Variants in RIT2 observed in about 807,000 individuals in gnomAD.
RIT2 encodes the protein Ras like without CAAX 2.
Under a neutral mutation model 23.7 loss-of-function variants are expected in RIT2, and 24 were observed. The ratio of observed to expected loss-of-function variants is 1.01; its 90% CI spans 0.73 to 1.43. RIT2 has a LOEUF of 1.43. Ranked by LOEUF, RIT2 falls within the 40% of genes most tolerant of loss-of-function variation. The probability of loss-of-function intolerance (pLI) is 0.00; values close to 1 mark genes in which losing one functional copy is unlikely to be tolerated. For missense variants in RIT2, 236 were observed against 266.9 expected (o/e 0.88, Z 0.81); for synonymous variants, 107 against 91.1 (o/e 1.17, Z -0.99).
At chr18:43,104,050 A>C (rs1405356391) in intron 1 of RIT2, among the ~76,000 whole-genome samples, 1 of 152,234 alleles carries the variant, frequency 6.6e-6, no homozygotes, top group African/African-American at 2.4e-5. Flanking sequence ...CCATCAACAG[A>C]TAAATGGATA....
chr18:42,969,744 T>C (rs2144198398), intron 3 of RIT2, among the ~76,000 whole-genome samples: 1 of 152,170 alleles, frequency 6.6e-6, no homozygotes, highest in African/African-American at 2.4e-5. Flanking sequence ...GATTATTCAA[T>C]ACATTTATAA....
chr18:42,804,561 T>TAAAAA (rs564202513), intron 4 of RIT2, among the ~76,000 whole-genome samples: 2 of 52,848 alleles, frequency 3.8e-5, no homozygotes, highest in Non-Finnish European at 7.6e-5. Context: ...GCCTCAAAAC[T>TAAAAA]AAAAAAAAAA....
At chr18:43,111,474 A>T (rs559552973) in intron 1 of RIT2, among the ~76,000 whole-genome samples, 7 of 152,304 alleles carry the variant, frequency 4.6e-5, no homozygotes, top group Admixed American at 4.6e-4. Context: ...CAAATAAATG[A>T]TGAATGTTTG....
chr18:42,950,884 C>T (rs368756669), intron 3 of RIT2, among the ~76,000 whole-genome samples: 16 of 146,746 alleles, frequency 1.1e-4, no homozygotes, highest in African/African-American at 3.6e-4. Flanking sequence ...GTCAGAATGG[C>T]TATTATTAAA....
chr18:43,072,293 A>G (rs1912917160), intron 1 of RIT2, among the ~76,000 whole-genome samples: 1 of 151,992 alleles, frequency 6.6e-6, no homozygotes, highest in African/African-American at 2.4e-5. Context: ...GCCCTAATTC[A>G]TGGTATTTTT....
chr18:43,047,165 C>T (rs951975783), intron 1 of RIT2, among the ~76,000 whole-genome samples: 3 of 151,634 alleles, frequency 2.0e-5, no homozygotes, highest in Non-Finnish European at 4.4e-5. Context: ...ATTTTTCTAC[C>T]GTTTCTCCTT....
intron 1 of RIT2, among the ~76,000 whole-genome samples, chr18:43,087,186 G>C (rs1913304345): frequency 6.6e-6 from 1 of 151,956 alleles, no homozygotes; most frequent in Admixed American, 6.6e-5. Context: ...AGGTTGCAGT[G>C]AGCTGAGATC....
At chr18:43,107,843 C>T (rs929333792) in intron 1 of RIT2, among the ~76,000 whole-genome samples, 2 of 151,886 alleles carry the variant, frequency 1.3e-5, no homozygotes, top group East Asian at 1.9e-4. Flanking sequence ...TTCATATAGA[C>T]GATTTTGTGT....
At chr18:42,872,668 G>C (rs950032850) in intron 4 of RIT2, among the ~76,000 whole-genome samples, 1 of 152,090 alleles carries the variant, frequency 6.6e-6, no homozygotes, top group South Asian at 2.1e-4. Flanking sequence ...CATAGTAGCT[G>C]CTTGAATATA....
chr18:42,847,067 C>T (rs1321424023), intron 4 of RIT2, among the ~76,000 whole-genome samples: 2 of 152,100 alleles, frequency 1.3e-5, no homozygotes, highest in Admixed American at 6.6e-5. Context: ...CAACAAATTA[C>T]TATCATTTGC....
rs527744147 is a variant in RIT2 at position 42,949,234 on chromosome 18, T to C, written c.234+24840A>G. 5.9e-5 allele frequency among the ~76,000 whole-genome samples: 9 copies of C among 152,116 alleles called. No homozygotes were observed. In the South Asian group the frequency reaches 1.7e-3, roughly 28 times the overall value. Reference sequence around the variant, plus strand: ...CCAGTGAAATGCCAATAATTCCCTATTGATGTGAGGATGACGGGGAACTCT... The same window carrying C: ...CCAGTGAAATGCCAATAATTCCCTACTGATGTGAGGATGACGGGGAACTCT... On this transcript the variant is annotated intron_variant, in intron 3 of 4. Transcript: ENST00000326695.
intron 2 of RIT2, among the ~76,000 whole-genome samples, chr18:42,981,396 T>C (rs1294186464): frequency 2.0e-5 from 3 of 152,158 alleles, no homozygotes; most frequent in Non-Finnish European, 4.4e-5. Flanking sequence ...TGACTCTTCA[T>C]CCTCATCTGA....
At chr18:42,978,194 C>T (rs1211034666) in intron 2 of RIT2, among the ~76,000 whole-genome samples, 9 of 151,826 alleles carry the variant, frequency 5.9e-5, no homozygotes, top group African/African-American at 2.2e-4. Context: ...TAGATAAGCC[C>T]AGCACATGAA....
chr18:42,746,107 G>C (rs1912911069), intron 4 of RIT2, among the ~76,000 whole-genome samples: 1 of 152,036 alleles, frequency 6.6e-6, no homozygotes, highest in Non-Finnish European at 1.5e-5. Flanking sequence ...CAGGCTAAGA[G>C]AGCCCTTCTT....
chr18:43,088,497 A>C (rs546903596), intron 1 of RIT2, among the ~76,000 whole-genome samples: 2 of 152,332 alleles, frequency 1.3e-5, no homozygotes, highest in South Asian at 4.1e-4. Context: ...CAGTAAAAAA[A>C]CTGGTGTAAT....
At chr18:43,046,137 T>C (rs760549241) in intron 1 of RIT2, among the ~76,000 whole-genome samples, 7 of 152,022 alleles carry the variant, frequency 4.6e-5, no homozygotes, top group Non-Finnish European at 8.8e-5. Context: ...AAAGATAAAA[T>C]GTAACAGAAT....
chr18:42,836,915 A>T, intron 4 of RIT2, among the ~76,000 whole-genome samples: 1 of 151,890 alleles, frequency 6.6e-6, no homozygotes, highest in East Asian at 1.9e-4. Flanking sequence ...GATGGGAAGG[A>T]CTCTAGTTGT....
At chr18:43,056,549 T>TA (rs1167234768) in intron 1 of RIT2, among the ~76,000 whole-genome samples, 3 of 152,178 alleles carry the variant, frequency 2.0e-5, no homozygotes, top group African/African-American at 7.2e-5. Flanking sequence ...AAATGACCAA[T>TA]AGGGGACAGT....
chr18:43,010,809 G>T (rs113283726), intron 2 of RIT2, among the ~76,000 whole-genome samples: 4,803 of 151,838 alleles, frequency 0.032, 135 homozygotes, highest in Middle Eastern at 0.13. Flanking sequence ...AGGTAACTGT[G>T]CTGTGGTTGT....
Sources: allele counts gnomAD v4.1 joint callset (sites outside exome capture counted in the v4.1 genomes callset), GRCh38; gene constraint gnomAD v4.1.1; transcripts MANE v1.5; gene names NCBI Gene and HGNC (gene_info 2026-07-23, HGNC 2026-07-21).